The following ROBO2 variants were observed in gnomAD, a reference collection of about 807,000 sequenced individuals.
The protein encoded by ROBO2 is roundabout homolog 2.
Under a neutral mutation model 160.8 loss-of-function variants are expected in ROBO2, and 53 were observed. That is an observed-to-expected ratio of 0.33 (90% CI 0.26 to 0.41). The LOEUF (loss-of-function observed/expected upper bound fraction) is 0.41, where lower values mean the gene tolerates loss of function less well. Ranked by LOEUF, ROBO2 falls within the 10% of genes least tolerant of loss-of-function variation. ROBO2 has a pLI of 1.00. For synonymous variants in ROBO2, 664 were observed against 611.7 expected (o/e 1.09, Z -1.26); for missense variants, 1,577 against 1,722.4 (o/e 0.92, Z 1.49).
chr3:76,273,507 TG>T (rs1010331747), intron 2 of ROBO2, among the ~76,000 whole-genome samples: 10 of 152,066 alleles, frequency 6.6e-5, no homozygotes, highest in African/African-American at 2.4e-4. Flanking sequence ...TCTTCATGGC[TG>T]GGGAGGCCTC....
At chr3:76,147,299 A>T (rs989108027) in intron 2 of ROBO2, among the ~76,000 whole-genome samples, 2 of 151,824 alleles carry the variant, frequency 1.3e-5, no homozygotes, top group African/African-American at 4.8e-5. Context: ...AAAATAAGTA[A>T]ATGTAATGAA....
chr3:76,392,097 TTTAC>T (rs1181609698), intron 2 of ROBO2, among the ~76,000 whole-genome samples: 1 of 152,218 alleles, frequency 6.6e-6, no homozygotes, highest in Non-Finnish European at 1.5e-5. Context: ...TGGCAGTGAA[TTTAC>T]TTAATAAGAT....
At chr3:76,654,929 T>TATATATATATATATATATATATA (rs5850279) in intron 2 of ROBO2, among the ~76,000 whole-genome samples, 10 of 141,458 alleles carry the variant, frequency 7.1e-5, no homozygotes, top group Admixed American at 1.4e-4. Context: ...ATATATATAT[T>TATATATATATATATATATATATA]TATATATATA....
chr3:77,458,950 T>A (rs940509564), intron 2 of ROBO2, among the ~76,000 whole-genome samples: 1 of 152,184 alleles, frequency 6.6e-6, no homozygotes, highest in African/African-American at 2.4e-5. Flanking sequence ...CTTCTGTCTT[T>A]TCATTTATAA....
At chr3:77,164,894 T>G in intron 2 of ROBO2, among the ~76,000 whole-genome samples, 1 of 89,320 alleles carries the variant, frequency 1.1e-5, no homozygotes, top group Admixed American at 1.1e-4. Flanking sequence ...GGTGGGGGGG[T>G]CAGCCCCCCG....
intron 2 of ROBO2, among the ~76,000 whole-genome samples, chr3:76,838,876 G>A (rs560886062): frequency 1.3e-5 from 2 of 152,172 alleles, no homozygotes; most frequent in African/African-American, 4.8e-5. Context: ...AGGAATGTTA[G>A]GAGAATTTAA....
intron 2 of ROBO2, among the ~76,000 whole-genome samples, chr3:76,219,288 C>G (rs1703789053): frequency 6.6e-6 from 1 of 152,162 alleles, no homozygotes; most frequent in African/African-American, 2.4e-5. Context: ...GTCTAAAACA[C>G]CAAAAGCAAT....
intron 2 of ROBO2, among the ~76,000 whole-genome samples, chr3:77,441,569 A>T (rs2079925592): frequency 6.6e-6 from 1 of 152,158 alleles, no homozygotes; most frequent in Non-Finnish European, 1.5e-5. Flanking sequence ...CTAAATTTAA[A>T]CATACAAAAT....
chr3:77,362,204 A>C (rs901469105), intron 2 of ROBO2, among the ~76,000 whole-genome samples: 6 of 152,180 alleles, frequency 3.9e-5, no homozygotes, highest in African/African-American at 1.4e-4. Flanking sequence ...GGCTGACTTT[A>C]GTCAGGTCTA....
At chr3:76,514,517 T>C (rs3926037) in intron 2 of ROBO2, among the ~76,000 whole-genome samples, 23,018 of 152,180 alleles carry the variant, frequency 0.15, 2,706 homozygotes, top group African/African-American at 0.3. Context: ...TGGAAATATT[T>C]ATAAAAATAA....
At chr3:76,175,756 C>T (rs1353396738) in intron 2 of ROBO2, among the ~76,000 whole-genome samples, 2 of 151,972 alleles carry the variant, frequency 1.3e-5, no homozygotes, top group Non-Finnish European at 2.9e-5. Flanking sequence ...AAACTTCTAC[C>T]GTGTGTGTTT....
At chr3:77,642,053 T>C (rs944703603) in intron 24 of ROBO2, among the ~76,000 whole-genome samples, 1 of 152,192 alleles carries the variant, frequency 6.6e-6, no homozygotes, top group Non-Finnish European at 1.5e-5. Flanking sequence ...AAGATTGTAA[T>C]ATATTAGTTG....
intron 2 of ROBO2, among the ~76,000 whole-genome samples, chr3:76,691,845 A>G (rs1398164203): frequency 1.3e-5 from 2 of 152,170 alleles, no homozygotes; most frequent in East Asian, 3.9e-4. Flanking sequence ...GTGGAATAAG[A>G]AGGAAGCTCA....
intron 2 of ROBO2, among the ~76,000 whole-genome samples, chr3:76,238,749 G>A (rs552576758): frequency 3.9e-5 from 6 of 152,090 alleles, no homozygotes; most frequent in South Asian, 2.1e-4. Context: ...AGAACATGAG[G>A]AAAACCACCT....
chr3:76,457,445 G>C (rs1412873087), intron 2 of ROBO2, among the ~76,000 whole-genome samples: 1 of 152,180 alleles, frequency 6.6e-6, no homozygotes, highest in Admixed American at 6.5e-5. Flanking sequence ...AAGGTCTTAG[G>C]CAGCTCCGCC....
At chr3:76,778,389 A>C (rs1478448105) in intron 2 of ROBO2, among the ~76,000 whole-genome samples, 1 of 151,124 alleles carries the variant, frequency 6.6e-6, no homozygotes, top group Non-Finnish European at 1.5e-5. Context: ...TTAGTTCTGG[A>C]TCAGGGCATT....
At chr3:76,009,560 A>C (rs1170824680) in intron 2 of ROBO2, among the ~76,000 whole-genome samples, 1 of 152,208 alleles carries the variant, frequency 6.6e-6, no homozygotes, top group Non-Finnish European at 1.5e-5. Context: ...TATTTGTAGA[A>C]TATCAAGAGA....
At chr3:76,656,835 A>G (rs1348005113) in intron 2 of ROBO2, among the ~76,000 whole-genome samples, 1 of 151,994 alleles carries the variant, frequency 6.6e-6, no homozygotes, top group African/African-American at 2.4e-5. Flanking sequence ...TTACTTCATC[A>G]TTTTAACCAA....
chr3:75,914,177 C>T (rs1477707921), intron 1 of ROBO2, among the ~76,000 whole-genome samples: 2 of 152,134 alleles, frequency 1.3e-5, no homozygotes, highest in Non-Finnish European at 2.9e-5. Context: ...GTGCAGGGAG[C>T]ATTGTCCTTC....
Sources: allele counts gnomAD v4.1 joint callset (sites outside exome capture counted in the v4.1 genomes callset), GRCh38; gene constraint gnomAD v4.1.1; transcripts MANE v1.5; gene names NCBI Gene and HGNC (gene_info 2026-07-23, HGNC 2026-07-21).